The following BNIP5 variants were observed in gnomAD, a reference collection of about 807,000 sequenced individuals.
BNIP5 encodes the protein BCL2 interacting protein 5, also known as protein BNIP5.
BNIP5 carries 61 observed loss-of-function variants against 67.3 expected under a neutral mutation model. That is an observed-to-expected ratio of 0.91 (90% CI 0.74 to 1.12). BNIP5 has a LOEUF of 1.12. BNIP5 is among the 50% of genes most tolerant of loss of function. The pLI, the probability that BNIP5 is intolerant of heterozygous loss-of-function variation, is 0.00. For missense variants in BNIP5, 826 were observed against 816.3 expected, an observed-to-expected ratio of 1.01 and a Z score of -0.14; for synonymous variants, 317 against 319.0, an observed-to-expected ratio of 0.99 and a Z score of 0.07.
At chr6:36,324,008 A>C in intron 7 of BNIP5, 121 bp downstream of exon 7, 1 of 780,282 alleles carries the variant, frequency 1.3e-6, no homozygotes, top group South Asian at 1.6e-5. Flanking sequence ...TCCAAAAAAA[A>C]AAAAAAAGGA....
At chr6:36,320,467 C>T (rs1771609847) in intron 10 of BNIP5, among the ~76,000 whole-genome samples, 1 of 152,190 alleles carries the variant, frequency 6.6e-6, no homozygotes, top group Non-Finnish European at 1.5e-5. Context: ...ATTCTGCCCC[C>T]CACATGAGTT....
intron 3 of BNIP5, 45 bp from the exon 4 acceptor site, chr6:36,327,139 G>C: frequency 7.4e-6 from 11 of 1,492,680 alleles, no homozygotes; most frequent in Non-Finnish European, 1.0e-5. Flanking sequence ...TAAATGCACT[G>C]ACAACTCCTT....
chr6:36,322,068 C>T (rs541067116), intron 9 of BNIP5, among the ~76,000 whole-genome samples: 22 of 152,286 alleles, frequency 1.4e-4, no homozygotes, highest in East Asian at 1.2e-3. Flanking sequence ...TTCAAGCAAA[C>T]GAATGGGGGT....
rs760510543 is a variant in BNIP5 at position 36,326,634 on chromosome 6, G to A, written c.912C>T (p.His304=). 4.3e-5 allele frequency: 69 copies of A among 1,614,100 alleles called. No individual in the cohort carries two copies. Among genetic ancestry groups the A allele is most frequent in the Non-Finnish European group, 5.5e-5 (65 of 1,180,050 alleles). ...KRTSKTNPKK[H]GSEEAKRGAA... ...CCCCCCTCTTGGCCTCCTCGGAGCC[G>A]TGTTTCTTGGGGTTTGTCTTTGAGG... Residue 304 remains histidine (H), a synonymous_variant, in exon 5 of 12, where the codon CAC becomes CAT. Transcript: ENST00000437635.
Position 36,319,356 on chromosome 6 carries a change from C to A in BNIP5, c.1923G>T (p.Pro641=), listed in dbSNP as rs78116699. The A allele has an allele frequency of 2.5e-5, 41 of 1,613,138 alleles. No homozygotes were observed. The highest frequency in any genetic ancestry group is 3.4e-4 in the Middle Eastern group (2 of 5,862). Residue 641 remains proline (P), a splice_region_variant and synonymous_variant, in exon 11 of 12, where the codon CCG becomes CCT. Coordinates refer to ENST00000437635, the MANE Select transcript of BNIP5 (RefSeq NM_001010903.5). ...CATTGTCTTCCCCGCCCTCTCTCACCGGCTGGTCCTCCCTGTATGGGAACT... is the reference window on the plus strand; with the variant it reads ...CATTGTCTTCCCCGCCCTCTCTCACAGGCTGGTCCTCCCTGTATGGGAACT... ...CTQFPYREDQ[P]NITSPKVESP... is the part of the protein sequence containing the mutation.
intron 1 of BNIP5, among the ~76,000 whole-genome samples, chr6:36,331,634 A>AAC (rs755269378): frequency 2.4e-4 from 37 of 152,146 alleles, no homozygotes; most frequent in Non-Finnish European, 4.9e-4. Context: ...CTTTTCTTCC[A>AAC]ACTGCTCAAG....
At chr6:36,327,837 C>CTTT (rs35688804) in intron 3 of BNIP5, among the ~76,000 whole-genome samples, 1 of 137,354 alleles carries the variant, frequency 7.3e-6, no homozygotes, top group Non-Finnish European at 1.6e-5. Context: ...TGTGGGTTTG[C>CTTT]TTTTTTTTTT....
chr6:36,328,585 G>C lies in BNIP5; in HGVS notation c.727+13C>G. The C allele has an allele frequency of 6.4e-7, 1 of 1,560,412 alleles. No individual in the cohort carries two copies. Among genetic ancestry groups the C allele is most frequent in the Non-Finnish European group, 8.8e-7 (1 of 1,131,016 alleles). The stretch of plus-strand genomic sequence containing the variant: ...AGCCACAGGCAAAAAGGTCACTAGA[G>C]ATTCCGACTCACGGTCAGGCTTTTT... On this transcript the variant is annotated intron_variant, in intron 3 of 11. Transcript: ENST00000437635.
chr6:36,326,365 A>C, intron 5 of BNIP5, 145 bp downstream of exon 5: 1 of 1,023,966 alleles, frequency 9.8e-7, no homozygotes, highest in Non-Finnish European at 1.4e-6. Flanking sequence ...GTCTTCCCAC[A>C]GTCATCCTCA....
intron 11 of BNIP5, among the ~76,000 whole-genome samples, chr6:36,317,710 A>G (rs1326115140): frequency 6.6e-6 from 1 of 152,186 alleles, no homozygotes; most frequent in Non-Finnish European, 1.5e-5. Flanking sequence ...TGTCTTTTCC[A>G]TTGGCAGATG....
rs889913998 is a variant in BNIP5, at chr6:36,322,429, G to A, written c.1485C>T (p.Leu495=). Residue 495 remains leucine, a synonymous_variant, in exon 9 of 12, where the codon CTC becomes CTT. Coordinates refer to ENST00000437635, the MANE Select transcript of BNIP5 (RefSeq NM_001010903.5). ...CTGCGGGCAGGGGCTCCCGGCACTC[G>A]AGATCTTCTGGATCTAGGGCAAAAA... ...STSSSLDPED[L]ECREPLPAEG... 15 of 1,613,796 alleles carry A rather than the reference G, an allele frequency of 9.3e-6. No homozygotes were observed. The highest frequency in any genetic ancestry group is 3.3e-5 in the Admixed American group (2 of 59,958).
intron 1 of BNIP5, among the ~76,000 whole-genome samples, chr6:36,334,634 C>A (rs1368693304): frequency 6.6e-6 from 1 of 152,136 alleles, no homozygotes; most frequent in African/African-American, 2.4e-5. Context: ...CCCAGGAAGA[C>A]CCCTGAAGAA....
intron 5 of BNIP5, among the ~76,000 whole-genome samples, 167 bp downstream of exon 5, chr6:36,326,342 TG>T (rs1342956872): frequency 6.6e-6 from 1 of 152,234 alleles, no homozygotes; most frequent in Non-Finnish European, 1.5e-5. Context: ...GGTGACCTGC[TG>T]GCATTCTTTC....
intron 1 of BNIP5, 28 bp from the exon 2 acceptor site, chr6:36,330,722 G>T (rs1007005788): frequency 6.6e-7 from 1 of 1,518,660 alleles, no homozygotes; most frequent in African/African-American, 1.4e-5. Context: ...AGCTCCCTTA[G>T]TTTTTTTGTT....
At chr6:36,317,779 A>G (rs1647142821) in intron 11 of BNIP5, among the ~76,000 whole-genome samples, 1 of 152,144 alleles carries the variant, frequency 6.6e-6, no homozygotes, top group South Asian at 2.1e-4. Flanking sequence ...AACTAAGCAC[A>G]TAGGAGGCTG....
rs907490253 is a variant in BNIP5 at position 36,330,713 on chromosome 6, G to T, written c.-4-19C>A. On this transcript the variant is annotated intron_variant, in intron 1 of 11. Coordinates refer to ENST00000437635, the MANE Select transcript of BNIP5 (RefSeq NM_001010903.5). Reference sequence around the variant, plus strand: ...CATCGGGCTGCAACCAAAACACACAGCTCCCTTAGTTTTTTTGTTTGTTTG... The same window carrying T: ...CATCGGGCTGCAACCAAAACACACATCTCCCTTAGTTTTTTTGTTTGTTTG... 6.5e-6 allele frequency: 10 copies of T among 1,527,504 alleles called. No individual in the cohort carries two copies. Among genetic ancestry groups the T allele is most frequent in the Non-Finnish European group, 8.7e-6 (10 of 1,148,454 alleles). The allele number at this position is 1,527,504 out of a possible 1,614,324, so 94.6% of individuals were successfully genotyped here.
intron 3 of BNIP5, among the ~76,000 whole-genome samples, chr6:36,328,267 T>C (rs1396528571): frequency 6.6e-6 from 1 of 152,130 alleles, no homozygotes; most frequent in Non-Finnish European, 1.5e-5. Context: ...TGTAAACAAC[T>C]GTGAGTATAC....
rs1771658343 is a variant in BNIP5, at chr6:36,322,447, G to A, written c.1472-5C>T. The A allele has an allele frequency of 6.2e-7, 1 of 1,609,826 alleles. No homozygotes were observed. Among genetic ancestry groups the A allele is most frequent in the African/African-American group, 1.3e-5 (1 of 74,618 alleles). On this transcript the variant is annotated splice_polypyrimidine_tract_variant and splice_region_variant and intron_variant, in intron 8 of 11. Transcript: ENST00000437635. ...GGCACTCGAGATCTTCTGGATCTAG[G>A]GCAAAAAAAGAGTTGTTGAGTGTTT... is the stretch of plus-strand genomic sequence containing the variant.
chr6:36,334,225 T>A (rs148154618), intron 1 of BNIP5, among the ~76,000 whole-genome samples: 1 of 152,302 alleles, frequency 6.6e-6, no homozygotes, highest in East Asian at 1.9e-4. Context: ...CTCCCTGGAA[T>A]AACCGGTGCC....
Sources: allele counts gnomAD v4.1 joint callset (sites outside exome capture counted in the v4.1 genomes callset), GRCh38; gene constraint gnomAD v4.1.1; transcripts MANE v1.5; gene names NCBI Gene and HGNC (gene_info 2026-07-23, HGNC 2026-07-21).